Variants in GMDS observed in about 807,000 individuals in gnomAD.
GMDS encodes GDP-mannose 4,6-dehydratase.
In GMDS, 20 loss-of-function variants were observed where a neutral mutation model predicts 49.9. The ratio of observed to expected loss-of-function variants is 0.40; its 90% CI spans 0.28 to 0.58. GMDS has a LOEUF of 0.58. GMDS is among the 20% of genes least tolerant of loss of function. The pLI, the probability that GMDS is intolerant of heterozygous loss-of-function variation, is 0.42. For missense variants in GMDS, 362 were observed against 481.4 expected, an observed-to-expected ratio of 0.75 and a Z score of 2.32; for synonymous variants, 177 against 178.6, an observed-to-expected ratio of 0.99 and a Z score of 0.07.
At chr6:1,748,092 T>C (rs1248114410) in intron 7 of GMDS, among the ~76,000 whole-genome samples, 1 of 152,176 alleles carries the variant, frequency 6.6e-6, no homozygotes, top group Non-Finnish European at 1.5e-5. Flanking sequence ...CAAAATTTGT[T>C]TTGCCCTTTA....
chr6:1,878,682 TATTA>T (rs757747981), intron 7 of GMDS, among the ~76,000 whole-genome samples: 2 of 152,210 alleles, frequency 1.3e-5, no homozygotes, highest in Non-Finnish European at 2.9e-5. Flanking sequence ...TACCTAAAAA[TATTA>T]ATTATCAGTA....
intron 4 of GMDS, among the ~76,000 whole-genome samples, chr6:2,072,431 A>G (rs138613225): frequency 1.1e-3 from 174 of 152,326 alleles, no homozygotes; most frequent in African/African-American, 3.9e-3. Context: ...CTGATCAAAC[A>G]TGGATTATTG....
intron 7 of GMDS, among the ~76,000 whole-genome samples, chr6:1,814,417 C>T (rs1162914728): frequency 1.3e-5 from 2 of 151,824 alleles, no homozygotes; most frequent in Non-Finnish European, 2.9e-5. Flanking sequence ...CACTATTACT[C>T]AAGATAAGGG....
rs67198377 is a variant in GMDS, at chr6:2,162,659, AACACACACACACACACACAC to A, written c.103-37948_103-37929del. 3.6e-3 allele frequency among the ~76,000 whole-genome samples: 492 copies of A among 135,840 alleles called. 2 individuals are homozygous for A. The highest frequency in any genetic ancestry group is 0.011 in the African/African-American group (417 of 37,986). The allele number at this position is 135,840 out of a possible 152,430, so 89.1% of individuals were successfully genotyped here. ...AAATATCAGGTTTTCATAACATTCC[AACACACACACACACACACAC>A]ACACACACACACACACACACACACA... On this transcript the variant is annotated intron_variant, in intron 1 of 10. Coordinates refer to ENST00000380815, the MANE Select transcript of GMDS (RefSeq NM_001500.4).
intron 7 of GMDS, among the ~76,000 whole-genome samples, chr6:1,861,021 T>C (rs994286423): frequency 6.6e-6 from 1 of 152,174 alleles, no homozygotes; most frequent in African/African-American, 2.4e-5. Context: ...ATATCACGCT[T>C]CTCCATTCAA....
chr6:1,652,442 A>T (rs1426222432), intron 9 of GMDS, among the ~76,000 whole-genome samples: 1 of 14,250 alleles, frequency 7.0e-5, no homozygotes, highest in African/African-American at 2.6e-4. Context: ...TATTATATAT[A>T]TTTATATATT....
intron 9 of GMDS, among the ~76,000 whole-genome samples, chr6:1,715,382 A>G (rs1161371715): frequency 6.6e-6 from 1 of 152,232 alleles, no homozygotes; most frequent in African/African-American, 2.4e-5. Context: ...AAGCATAAGA[A>G]TGATTCTTTG....
chr6:1,672,986 G>T (rs1764476457), intron 9 of GMDS, among the ~76,000 whole-genome samples: 2 of 149,282 alleles, frequency 1.3e-5, no homozygotes, highest in South Asian at 4.2e-4. Context: ...GCGAGGATTG[G>T]GAATTGCGAA....
intron 9 of GMDS, among the ~76,000 whole-genome samples, chr6:1,641,096 C>T (rs1172598461): frequency 1.3e-5 from 2 of 152,202 alleles, no homozygotes; most frequent in Non-Finnish European, 2.9e-5. Context: ...AGACCCTTTG[C>T]CTGCAGATGG....
chr6:1,764,094 GA>G (rs1197016037), intron 7 of GMDS, among the ~76,000 whole-genome samples: 69 of 148,152 alleles, frequency 4.7e-4, no homozygotes, highest in Non-Finnish European at 8.2e-4. Flanking sequence ...AAGGAGCGAA[GA>G]AAAAAAAAAG....
chr6:1,630,021 A>G (rs1229175833), intron 9 of GMDS, among the ~76,000 whole-genome samples: 1 of 152,232 alleles, frequency 6.6e-6, no homozygotes, highest in Non-Finnish European at 1.5e-5. Context: ...TCAGGAAAGG[A>G]GAACTTAATG....
intron 7 of GMDS, among the ~76,000 whole-genome samples, chr6:1,844,868 CAG>C (rs765147547): frequency 4.7e-4 from 71 of 152,258 alleles, no homozygotes; most frequent in Non-Finnish European, 7.4e-4. Flanking sequence ...AAATTAACGA[CAG>C]AGAGTTACAA....
chr6:1,739,384 T>C (rs1767168214), intron 8 of GMDS, among the ~76,000 whole-genome samples: 1 of 152,296 alleles, frequency 6.6e-6, no homozygotes, highest in Admixed American at 6.5e-5. Context: ...CCCTAACCAC[T>C]CCCTGCGTGC....
intron 9 of GMDS, chr6:1,717,539 T>C (rs1766218167): frequency 1.3e-5 from 2 of 152,180 alleles, no homozygotes; most frequent in South Asian, 4.1e-4. Flanking sequence ...CGATCACCAA[T>C]TCAGCATATC....
chr6:1,889,570 C>A (rs972780442), intron 7 of GMDS, among the ~76,000 whole-genome samples: 6 of 152,150 alleles, frequency 3.9e-5, no homozygotes, highest in Admixed American at 2.6e-4. Context: ...AAGTTCCAAA[C>A]GTCCACTGGA....
intron 4 of GMDS, among the ~76,000 whole-genome samples, chr6:2,060,848 T>C (rs1299809557): frequency 2.0e-5 from 3 of 151,902 alleles, no homozygotes; most frequent in Non-Finnish European, 1.5e-5. Context: ...GGTGAAACCC[T>C]GTCTCTACCA....
chr6:1,795,169 T>C (rs1165564264), intron 7 of GMDS, among the ~76,000 whole-genome samples: 1 of 152,192 alleles, frequency 6.6e-6, no homozygotes, highest in Non-Finnish European at 1.5e-5. Flanking sequence ...TACTGCACTC[T>C]TGCCAAGGTG....
chr6:2,218,938 T>G (rs201025732), intron 1 of GMDS, among the ~76,000 whole-genome samples: 2 of 152,248 alleles, frequency 1.3e-5, no homozygotes, highest in East Asian at 3.9e-4. Flanking sequence ...AAAAATCTCT[T>G]AATAAATAAA....
intron 4 of GMDS, among the ~76,000 whole-genome samples, chr6:2,036,781 G>A (rs1285290696): frequency 2.0e-5 from 3 of 152,154 alleles, no homozygotes; most frequent in East Asian, 1.9e-4. Context: ...CAAGCTGCAC[G>A]GAAAGACTTC....
Sources: gnomAD v4.1 joint callset for allele counts (sites outside exome capture counted in the v4.1 genomes callset) on GRCh38, gnomAD v4.1.1 for gene constraint, MANE v1.5 for transcripts, NCBI Gene and HGNC (gene_info 2026-07-23, HGNC 2026-07-21) for gene names.